Variants in PC observed in about 807,000 individuals in gnomAD.
PC encodes the protein pyruvate carboxylase, also known as pyruvate carboxylase, mitochondrial.
In PC, 46 loss-of-function variants were observed where a neutral mutation model predicts 107.8. That is an observed-to-expected ratio of 0.43 (90% CI 0.34 to 0.55). The LOEUF is 0.55. Ranked by LOEUF, PC falls within the 20% of genes least tolerant of loss-of-function variation. PC has a pLI of 0.04. For synonymous variants in PC, 662 were observed against 684.7 expected, an observed-to-expected ratio of 0.97 and a Z score of 0.52; for missense variants, 1,241 against 1,643.1, an observed-to-expected ratio of 0.76 and a Z score of 4.23.
At chr11:66,918,862 G>A (rs1339835008) in intron 3 of PC, among the ~76,000 whole-genome samples, 1 of 152,166 alleles carries the variant, frequency 6.6e-6, no homozygotes, top group Non-Finnish European at 1.5e-5. Flanking sequence ...AGGCCCAGGA[G>A]GAGGGAGCAG....
chr11:66,881,316 G>A (rs551573610), intron 3 of PC, among the ~76,000 whole-genome samples: 1 of 152,370 alleles, frequency 6.6e-6, no homozygotes, highest in African/African-American at 2.4e-5. Context: ...AGCTTTGACT[G>A]TCACTTGGGA....
chr11:66,894,734 A>C (rs1947692174), intron 3 of PC, among the ~76,000 whole-genome samples: 1 of 152,188 alleles, frequency 6.6e-6, no homozygotes, highest in African/African-American at 2.4e-5. Flanking sequence ...TTCAAAAAGC[A>C]ATCAGGGCTG....
In PC at chr11:66,895,559, C is replaced by T. The variant is rs577910964; in HGVS notation, c.1-23400G>A. On this transcript the variant is annotated intron_variant, in intron 3 of 22. Transcript: ENST00000393960. ...ATTACATCAGTGAAAACATAGGATG[C>T]TACACACATTTTTAAAGAACCATTT... is the stretch of plus-strand genomic sequence containing the variant. Among the ~76,000 whole-genome samples the T allele has an allele frequency of 5.3e-5, 8 of 152,210 alleles. No homozygotes were observed. The South Asian group carries it at 8.3e-4, about 16-fold the overall frequency.
At chr11:66,943,438 G>A (rs914336236) in intron 3 of PC, among the ~76,000 whole-genome samples, 6 of 151,974 alleles carry the variant, frequency 3.9e-5, no homozygotes, top group South Asian at 4.2e-4. Flanking sequence ...TTCCAAAACC[G>A]TTAAGAAATA....
intron 3 of PC, among the ~76,000 whole-genome samples, chr11:66,900,881 T>C (rs1302832331): frequency 6.6e-6 from 1 of 152,246 alleles, no homozygotes; most frequent in Non-Finnish European, 1.5e-5. Flanking sequence ...AATAGATTTT[T>C]AATGAGTTCC....
Position 66,858,021 on chromosome 11 carries a change from G to C in PC, c.1369-4638C>G, listed in dbSNP as rs199993747. 2 of 1,611,934 alleles carry C rather than the reference G, an allele frequency of 1.2e-6. No homozygotes were observed. The highest frequency in any genetic ancestry group is 1.3e-5 in the African/African-American group (1 of 74,926). Reference sequence around the variant, plus strand: ...CACCCGCATTGGGGCCCGCGCCTTTGGGGACCTCGAGAGCCTGCGTTCCCT... The same window carrying C: ...CACCCGCATTGGGGCCCGCGCCTTTCGGGACCTCGAGAGCCTGCGTTCCCT... On this transcript the variant is annotated intron_variant, in intron 12 of 22. Coordinates refer to ENST00000393960, the MANE Select transcript of PC (RefSeq NM_001040716.2). This position sits in a 1 kb window ranked among gnomAD's most constrained non-coding sequence, Gnocchi z 5.9.
At chr11:66,932,423 G>C (rs1407431562) in intron 3 of PC, among the ~76,000 whole-genome samples, 7 of 152,128 alleles carry the variant, frequency 4.6e-5, no homozygotes, top group Non-Finnish European at 8.8e-5. Context: ...TTCAATGGGA[G>C]GGTAGAACTC....
intron 3 of PC, among the ~76,000 whole-genome samples, chr11:66,897,554 A>C (rs940864363): frequency 2.6e-5 from 4 of 152,236 alleles, no homozygotes; most frequent in African/African-American, 9.6e-5. Flanking sequence ...CCTGGGCGAC[A>C]GAGAGAGACC....
intron 12 of PC, chr11:66,859,112 C>CA: frequency 2.7e-6 from 4 of 1,480,436 alleles, no homozygotes; most frequent in Non-Finnish European, 3.6e-6. Context: ...GCGTGCCCCA[C>CA]ACCCGGCTGC....
At chr11:66,932,018 C>CAAAAA (rs756391349) in intron 3 of PC, among the ~76,000 whole-genome samples, 1 of 59,326 alleles carries the variant, frequency 1.7e-5, no homozygotes. Flanking sequence ...GACTCTGTCT[C>CAAAAA]AAAAAAAAAA....
intron 3 of PC, among the ~76,000 whole-genome samples, chr11:66,928,210 C>T (rs914004755): frequency 6.6e-6 from 1 of 151,898 alleles, no homozygotes; most frequent in African/African-American, 2.4e-5. Flanking sequence ...CACGGTGAAA[C>T]CCCATCTCTC....
intron 3 of PC, among the ~76,000 whole-genome samples, chr11:66,911,112 C>T: frequency 6.6e-6 from 1 of 152,180 alleles, no homozygotes; most frequent in Non-Finnish European, 1.5e-5. Flanking sequence ...AAAAAAATGA[C>T]CCCAATGGTC....
At chr11:66,894,617 C>A (rs992885271) in intron 3 of PC, among the ~76,000 whole-genome samples, 1 of 152,224 alleles carries the variant, frequency 6.6e-6, no homozygotes, top group Admixed American at 6.5e-5. Flanking sequence ...CGGGTTCCCA[C>A]CATCCACCAG....
In PC at chr11:66,853,396, G is replaced by C. The variant is rs1270510404; in HGVS notation, c.1369-13C>G. The C allele has an allele frequency of 6.2e-7, 1 of 1,613,856 alleles. No homozygotes were observed. Among genetic ancestry groups the C allele is most frequent in the East Asian group, 2.2e-5 (1 of 44,878 alleles). On this transcript the variant is annotated splice_polypyrimidine_tract_variant and intron_variant, in intron 12 of 22. Coordinates refer to ENST00000393960, the MANE Select transcript of PC (RefSeq NM_001040716.2). ...AGGCGATGTTGGTCTGCAGGACAGA[G>C]GCGGGTGGGAGGGGGTCACCATGCA...
At chr11:66,863,123 C>A (rs1453907645) in intron 12 of PC, among the ~76,000 whole-genome samples, 2 of 152,144 alleles carry the variant, frequency 1.3e-5, no homozygotes, top group African/African-American at 4.8e-5. Context: ...GGGTGGAACA[C>A]CTGAGGTCAG....
rs199855026 is a variant in PC, at chr11:66,858,270, C to T, written c.1369-4887G>A. 30 of 1,612,278 alleles carry T rather than the reference C, an allele frequency of 1.9e-5. No individual in the cohort carries two copies. The highest frequency in any genetic ancestry group is 2.4e-5 in the Non-Finnish European group (28 of 1,179,944). On this transcript the variant is annotated intron_variant, in intron 12 of 22. Transcript: ENST00000393960. This position sits in a 1 kb window ranked among gnomAD's most constrained non-coding sequence, Gnocchi z 5.9. Reference sequence around the variant, plus strand: ...CATGCCTGCCCTGCACACCCTCAACCTGGACCATAACCTTATTGACGCACT... The same window carrying T: ...CATGCCTGCCCTGCACACCCTCAACTTGGACCATAACCTTATTGACGCACT...
At chr11:66,873,426 ATATATATTAT>A (rs1352775085) in intron 3 of PC, among the ~76,000 whole-genome samples, 45 of 84,794 alleles carry the variant, frequency 5.3e-4, no homozygotes, top group African/African-American at 2.3e-3. Flanking sequence ...ATAATATATT[ATATATATTAT>A]ATATTATATT....
In PC at chr11:66,858,338, G is replaced by C; in HGVS notation, c.1369-4955C>G. On this transcript the variant is annotated intron_variant, in intron 12 of 22. Coordinates refer to ENST00000393960, the MANE Select transcript of PC (RefSeq NM_001040716.2). This position sits in a 1 kb window ranked among gnomAD's most constrained non-coding sequence, Gnocchi z 5.9. ...CCCAGCTCGGTCAGCTCTCCCGCCTGGACCTCACCTCCAACCGCCTGGCCA... is the reference window on the plus strand; with the variant it reads ...CCCAGCTCGGTCAGCTCTCCCGCCTCGACCTCACCTCCAACCGCCTGGCCA... 2 of 1,605,276 alleles carry C rather than the reference G, an allele frequency of 1.2e-6. No homozygotes were observed. The highest frequency in any genetic ancestry group is 1.7e-6 in the Non-Finnish European group (2 of 1,178,426).
At chr11:66,897,257 T>C (rs369461697) in intron 3 of PC, among the ~76,000 whole-genome samples, 35 of 152,028 alleles carry the variant, frequency 2.3e-4, no homozygotes, top group African/African-American at 7.2e-4. Flanking sequence ...ATTGGCACCA[T>C]GTACTTGATT....
Sources: gnomAD v4.1 joint callset for allele counts (sites outside exome capture counted in the v4.1 genomes callset) on GRCh38, gnomAD v4.1.1 for gene constraint, Gnocchi (gnomAD v3.1) non-coding constraint, MANE v1.5 for transcripts, NCBI Gene and HGNC (gene_info 2026-07-23, HGNC 2026-07-21) for gene names.